The following SCN10A variants were observed in gnomAD, a reference collection of about 807,000 sequenced individuals.
The protein encoded by SCN10A is sodium channel protein type 10 subunit alpha.
In SCN10A, 162 loss-of-function variants were observed where a neutral mutation model predicts 170.7. The observed-to-expected ratio is 0.95, with a 90% CI of 0.84 to 1.08. The LOEUF is 1.08. Among genes scored for constraint, SCN10A ranks in the 50% least tolerant of loss-of-function variants. The pLI, the probability that SCN10A is intolerant of heterozygous loss-of-function variation, is 0.00. For missense variants in SCN10A, 2,527 were observed against 2,436.9 expected, an observed-to-expected ratio of 1.04 and a Z score of -0.78; for synonymous variants, 985 against 904.6, an observed-to-expected ratio of 1.09 and a Z score of -1.59.
chr3:38,810,827 G>C (rs987605688), intron 1 of SCN10A, among the ~76,000 whole-genome samples: 1 of 152,192 alleles, frequency 6.6e-6, no homozygotes, highest in African/African-American at 2.4e-5. Context: ...TGAGATCTCA[G>C]TGAAATAGTC....
chr3:38,725,451 A>G (rs2063444475), intron 17 of SCN10A, 137 bp from the exon 18 acceptor site: 2 of 636,730 alleles, frequency 3.1e-6, no homozygotes, highest in Non-Finnish European at 4.9e-6. Context: ...ACATATATAC[A>G]TACACGTGTG....
intron 25 of SCN10A, among the ~76,000 whole-genome samples, chr3:38,708,973 T>G (rs2063240970): frequency 6.6e-6 from 1 of 152,208 alleles, no homozygotes; most frequent in South Asian, 2.1e-4. Flanking sequence ...CCCTGACATT[T>G]TCTTATAAAC....
chr3:38,723,127 T>C (rs1333686384), intron 19 of SCN10A, among the ~76,000 whole-genome samples: 1 of 152,164 alleles, frequency 6.6e-6, no homozygotes. Context: ...TTTATGGTGG[T>C]GACTACGTTT....
intron 1 of SCN10A, among the ~76,000 whole-genome samples, chr3:38,803,744 C>G (rs1195199100): frequency 6.6e-6 from 1 of 151,978 alleles, no homozygotes; most frequent in Non-Finnish European, 1.5e-5. Context: ...CGCATGTATA[C>G]ATATGTAACA....
intron 4 of SCN10A, among the ~76,000 whole-genome samples, chr3:38,783,231 G>A (rs11922415): frequency 0.022 from 3,352 of 152,142 alleles, 108 homozygotes; most frequent in African/African-American, 0.076. Flanking sequence ...CTCCATAGCA[G>A]CTTGTGTGAC....
At chr3:38,756,036 G>T (rs971378909) in intron 10 of SCN10A, 78 bp from the exon 11 acceptor site, 1 of 1,492,194 alleles carries the variant, frequency 6.7e-7, no homozygotes, top group Non-Finnish European at 9.3e-7. Flanking sequence ...GACATGGGGT[G>T]CCAGGGGTGA....
intron 1 of SCN10A, among the ~76,000 whole-genome samples, chr3:38,814,653 C>T (rs2064460956): frequency 6.6e-6 from 1 of 152,132 alleles, no homozygotes; most frequent in African/African-American, 2.4e-5. Context: ...GGTATGTGCT[C>T]TTTCATATGC....
At chr3:38,752,834 T>C (rs192680745) in intron 11 of SCN10A, among the ~76,000 whole-genome samples, 4 of 152,320 alleles carry the variant, frequency 2.6e-5, no homozygotes, top group Middle Eastern at 3.4e-3. Context: ...TTGCCAACCT[T>C]TGGCCACAGG....
chr3:38,712,902 G>T (rs1053663636), intron 22 of SCN10A, among the ~76,000 whole-genome samples: 3 of 152,122 alleles, frequency 2.0e-5, no homozygotes, highest in Non-Finnish European at 4.4e-5. Context: ...AAGCAAATGA[G>T]AATCTATTAG....
chr3:38,697,578 C>G lies in SCN10A; in HGVS notation c.5642G>C (p.Arg1881Thr), dbSNP rs1335429159. 1.2e-6 allele frequency: 2 copies of G among 1,614,208 alleles called. No homozygotes were observed. The highest frequency in any genetic ancestry group is 1.1e-5 in the South Asian group (1 of 91,076). Residue 1881 changes from arginine (R) to threonine (T), a missense_variant, in exon 28 of 28, where the codon AGA (arginine) becomes ACA (threonine). Physicochemically the swap from Arg to Thr is moderately conservative, Grantham distance 71. Transcript: ENST00000449082. Reference protein sequence around the residue: ...MALSNTPCVPRAEEEAASLPD... With the variant: ...MALSNTPCVPTAEEEAASLPD... The stretch of plus-strand genomic sequence containing the variant: ...GAGTGATGCAGCCTCCTCCTCAGCT[C>G]TGGGCACACATGGGGTGTTAGAGAG...
intron 16 of SCN10A, 117 bp from the exon 17 acceptor site, chr3:38,727,169 C>T (rs1299992920): frequency 2.3e-6 from 2 of 887,794 alleles, no homozygotes; most frequent in Non-Finnish European, 3.5e-6. Flanking sequence ...TTCCTGCCCA[C>T]CCGGGATGCT....
intron 3 of SCN10A, among the ~76,000 whole-genome samples, chr3:38,791,403 C>A (rs990098236): frequency 2.0e-5 from 3 of 152,186 alleles, no homozygotes; most frequent in African/African-American, 4.8e-5. Flanking sequence ...GACATTTGAC[C>A]AATGTGTCTC....
In SCN10A at chr3:38,727,815, A is replaced by G. The variant is rs569337654; in HGVS notation, c.2640+727T>C. Among the ~76,000 whole-genome samples, 15 of 152,342 alleles carry G rather than the reference A, an allele frequency of 9.8e-5. No individual in the cohort carries two copies. In the East Asian group the frequency reaches 2.7e-3, roughly 27 times the overall value. ...GGAGGGCAAGGACCCCACCATGACC[A>G]GAGTGGGTGGAGACAAGCTGAGGGC... On this transcript the variant is annotated intron_variant, in intron 16 of 27. Transcript: ENST00000449082.
intron 18 of SCN10A, among the ~76,000 whole-genome samples, chr3:38,724,725 C>T (rs1222194726): frequency 1.3e-5 from 2 of 152,186 alleles, no homozygotes; most frequent in South Asian, 2.1e-4. Flanking sequence ...CGTTGTCTTT[C>T]GTTTCCTTTT....
At chr3:38,731,293 A>G (rs2063510891) in intron 15 of SCN10A, among the ~76,000 whole-genome samples, 1 of 152,206 alleles carries the variant, frequency 6.6e-6, no homozygotes, top group African/African-American at 2.4e-5. Context: ...TCAGATAAAC[A>G]AAGAGGTTAT....
chr3:38,698,123 G>A lies in SCN10A; in HGVS notation c.5097C>T (p.Ile1699=), dbSNP rs766952453. The change falls in exon 28 of 28, where the codon ATC becomes ATT. Residue 1699 remains isoleucine, a synonymous_variant. Transcript: ENST00000449082. ...TGATGATGTAGGTGGTGAAGAAGATGATGCCTACGGCTGGGCTCCCACAGT... is the reference window on the plus strand; with the variant it reads ...TGATGATGTAGGTGGTGAAGAAGATAATGCCTACGGCTGGGCTCCCACAGT... ...RGDCGSPAVG[I]IFFTTYIIIS... 10 of 1,614,024 alleles carry A rather than the reference G, an allele frequency of 6.2e-6. No homozygotes were observed. Among genetic ancestry groups the A allele is most frequent in the Non-Finnish European group, 8.5e-6 (10 of 1,180,034 alleles).
chr3:38,777,850 T>A (rs1019076279), intron 4 of SCN10A, among the ~76,000 whole-genome samples: 1 of 151,750 alleles, frequency 6.6e-6, no homozygotes, highest in Non-Finnish European at 1.5e-5. Flanking sequence ...GTTGGAATAA[T>A]CCATATGGAA....
Position 38,757,131 on chromosome 3 carries a change from T to A in SCN10A, c.979A>T (p.Lys327Ter). Reference protein sequence around the residue: ...GHCPDGYICLKTSDNPDFNYT... With the variant: ...GHCPDGYICL ...TTAAAATCCGGGTTGTCAGAAGTTT[T>A]AAGGCAGATATAACCATCAGGGCAG... The change falls in exon 9 of 28, where the codon AAA becomes TAA. Residue 327 changes from lysine (K) to a stop codon, truncating the protein, a stop_gained. Coordinates refer to ENST00000449082, the MANE Select transcript of SCN10A (RefSeq NM_006514.4). LOFTEE classifies it high-confidence loss of function. 1 of 1,611,474 alleles carries A rather than the reference T, an allele frequency of 6.2e-7. No homozygotes were observed. The highest frequency in any genetic ancestry group is 2.2e-5 in the East Asian group (1 of 44,882).
At chr3:38,771,915 G>T (rs2064005192) in intron 4 of SCN10A, among the ~76,000 whole-genome samples, 1 of 152,170 alleles carries the variant, frequency 6.6e-6, no homozygotes, top group Non-Finnish European at 1.5e-5. Flanking sequence ...ACTTAGAGAT[G>T]CTAAGTATCT....
Sources: gnomAD v4.1 joint callset for allele counts (sites outside exome capture counted in the v4.1 genomes callset) on GRCh38, gnomAD v4.1.1 for gene constraint, MANE v1.5 for transcripts, NCBI Gene and HGNC (gene_info 2026-07-23, HGNC 2026-07-21) for gene names.